The following TSNARE1 variants were observed in gnomAD, a reference collection of about 807,000 sequenced individuals.
TSNARE1 encodes the protein t-SNARE domain-containing protein 1.
A neutral mutation model predicts 62.0 loss-of-function variants in TSNARE1; 49 were observed. The observed-to-expected ratio is 0.79, with a 90% confidence interval of 0.63 to 1.00. TSNARE1 has a LOEUF of 1.00. Ranked by LOEUF, TSNARE1 falls within the 50% of genes least tolerant of loss-of-function variation. The probability of loss-of-function intolerance (pLI) is 0.00; values close to 1 mark genes in which losing one functional copy is unlikely to be tolerated. For synonymous variants in TSNARE1, 328 were observed against 294.4 expected (o/e 1.11, Z -1.17); for missense variants, 755 against 700.1 (o/e 1.08, Z -0.88).
intron 9 of TSNARE1, among the ~76,000 whole-genome samples, chr8:142,305,184 T>C (rs1826454444): frequency 6.6e-6 from 1 of 152,084 alleles, no homozygotes; most frequent in Non-Finnish European, 1.5e-5. Flanking sequence ...GGACGTTCTG[T>C]GCGATGTTCC....
At chr8:142,363,087 C>T (rs372860671) in intron 1 of TSNARE1, among the ~76,000 whole-genome samples, 85 of 152,142 alleles carry the variant, frequency 5.6e-4, no homozygotes, top group African/African-American at 2.0e-3. Flanking sequence ...GTCTCCAAGC[C>T]GCCAGCACGG....
At chr8:142,373,255 A>G (rs777442923) in intron 1 of TSNARE1, among the ~76,000 whole-genome samples, 17 of 152,208 alleles carry the variant, frequency 1.1e-4, no homozygotes, top group Non-Finnish European at 2.2e-4. Flanking sequence ...AAGGTACTGC[A>G]GGGTGCAACC....
At chr8:142,369,579 C>A (rs925918155) in intron 1 of TSNARE1, among the ~76,000 whole-genome samples, 1 of 152,144 alleles carries the variant, frequency 6.6e-6, no homozygotes, top group Non-Finnish European at 1.5e-5. Flanking sequence ...TGTGAAAGGT[C>A]CCAGTAGAAA....
intron 10 of TSNARE1, chr8:142,300,000 C>G (rs941488670): frequency 3.9e-5 from 6 of 153,454 alleles, no homozygotes; most frequent in African/African-American, 7.2e-5. Context: ...AATGCCCACA[C>G]TCTACAGTTG....
At chr8:142,256,539 TCAC>T (rs201673075) in intron 12 of TSNARE1, among the ~76,000 whole-genome samples, 2 of 41,566 alleles carry the variant, frequency 4.8e-5, no homozygotes, top group Admixed American at 2.0e-4. Context: ...ACCATCACCA[TCAC>T]CACCATCACC....
intron 12 of TSNARE1, among the ~76,000 whole-genome samples, chr8:142,242,199 C>T (rs35860836): frequency 2.2e-3 from 81 of 37,292 alleles, no homozygotes; most frequent in African/African-American, 6.5e-3. Flanking sequence ...GATGGAAGAC[C>T]GACATGTGAG....
intron 11 of TSNARE1, among the ~76,000 whole-genome samples, chr8:142,281,878 C>T (rs1440167857): frequency 6.6e-6 from 1 of 152,150 alleles, no homozygotes; most frequent in Non-Finnish European, 1.5e-5. Flanking sequence ...AGCTCAGCCC[C>T]TTCATCCTGA....
intron 10 of TSNARE1, among the ~76,000 whole-genome samples, chr8:142,293,282 G>A (rs1023585953): frequency 1.3e-5 from 2 of 152,216 alleles, no homozygotes; most frequent in Non-Finnish European, 2.9e-5. Flanking sequence ...GAGCTTGGCC[G>A]CATTCCCGAG....
At chr8:142,281,063 G>C (rs923298541) in intron 11 of TSNARE1, among the ~76,000 whole-genome samples, 1 of 152,174 alleles carries the variant, frequency 6.6e-6, no homozygotes, top group Non-Finnish European at 1.5e-5. Flanking sequence ...GAGGGTCTCC[G>C]GACACACTGC....
intron 10 of TSNARE1, among the ~76,000 whole-genome samples, chr8:142,285,404 GTGGGTGGATGGA>G (rs1227877717): frequency 1.4e-4 from 20 of 147,648 alleles, no homozygotes; most frequent in African/African-American, 5.0e-4. Context: ...GGATGGGTGG[GTGGGTGGATGGA>G]TGGATGGATG....
In TSNARE1 at chr8:142,324,026, A is replaced by G. The variant is rs527717682; in HGVS notation, c.894-5392T>C. On this transcript the variant is annotated intron_variant, in intron 6 of 13. Transcript: ENST00000524325. ...GCTTCAGCCAGGAGCCAAGTGAGGC[A>G]GAGAAGGCTGGAAACGCTAGCTGTA... is the stretch of plus-strand genomic sequence containing the variant. 2.3e-4 allele frequency among the ~76,000 whole-genome samples: 35 copies of G among 152,342 alleles called. No homozygotes were observed. In the South Asian group the frequency reaches 4.3e-3, roughly 19 times the overall value.
At chr8:142,385,479 T>C (rs1837052730) in intron 1 of TSNARE1, among the ~76,000 whole-genome samples, 1 of 152,182 alleles carries the variant, frequency 6.6e-6, no homozygotes, top group African/African-American at 2.4e-5. Flanking sequence ...AAATGTGAGC[T>C]TGGGGTGACA....
chr8:142,299,056 G>A (rs748851188), intron 10 of TSNARE1, among the ~76,000 whole-genome samples: 9 of 152,250 alleles, frequency 5.9e-5, no homozygotes, highest in Non-Finnish European at 1.0e-4. Context: ...CCCAGAGCTG[G>A]TGCCTTCCTC....
upstream of TSNARE1, chr8:142,403,705 C>T (rs952148200): frequency 1.3e-5 from 2 of 152,202 alleles, no homozygotes; most frequent in African/African-American, 4.8e-5. Context: ...CCCAGTGTCA[C>T]CAACGAGGAA....
At chr8:142,398,940 C>T (rs1003327581) in intron 1 of TSNARE1, among the ~76,000 whole-genome samples, 3 of 152,208 alleles carry the variant, frequency 2.0e-5, no homozygotes, top group African/African-American at 7.2e-5. Flanking sequence ...CCATCCCAGA[C>T]TCAGCAAGCC....
At chr8:142,252,489 G>C (rs1818222938) in intron 12 of TSNARE1, among the ~76,000 whole-genome samples, 1 of 152,240 alleles carries the variant, frequency 6.6e-6, no homozygotes, top group Non-Finnish European at 1.5e-5. Flanking sequence ...CAGTGGTCAG[G>C]GGAAGAAGCG....
intron 9 of TSNARE1, among the ~76,000 whole-genome samples, chr8:142,306,031 G>T (rs1826611782): frequency 1.3e-5 from 2 of 152,208 alleles, no homozygotes; most frequent in Admixed American, 6.5e-5. Context: ...CCCGAGGGAG[G>T]GCAGGGGCCA....
At chr8:142,274,358 T>A (rs1820071300) in intron 12 of TSNARE1, 1 of 985,250 alleles carries the variant, frequency 1.0e-6, no homozygotes, top group East Asian at 1.1e-4. Flanking sequence ...AATAAAGGCC[T>A]GAGCTTTCTT....
Position 142,383,999 on chromosome 8 carries a change from G to T in TSNARE1, c.-40+19105C>A, listed in dbSNP as rs185030938. On this transcript the variant is annotated intron_variant, in intron 1 of 13. Coordinates refer to ENST00000524325, the MANE Select transcript of TSNARE1 (RefSeq NM_145003.5). ...AGGAGGGAGTGAAGCAGCACTGGCG[G>T]TAGAAGGGGTGCAGTGCAGCACCTG... is the stretch of plus-strand genomic sequence containing the variant. Among the ~76,000 whole-genome samples, 7 of 152,324 alleles carry T rather than the reference G, an allele frequency of 4.6e-5. No homozygotes were observed. The East Asian group carries it at 1.4e-3, about 29-fold the overall frequency.
Sources: allele counts gnomAD v4.1 joint callset (sites outside exome capture counted in the v4.1 genomes callset), GRCh38; gene constraint gnomAD v4.1.1; transcripts MANE v1.5; gene names NCBI Gene and HGNC (gene_info 2026-07-23, HGNC 2026-07-21).